The following STIM2 variants were observed in gnomAD, a reference collection of about 807,000 sequenced individuals.
STIM2 encodes the protein stromal interaction molecule 2.
STIM2 carries 31 observed loss-of-function variants against 85.8 expected under a neutral mutation model. The observed-to-expected ratio is 0.36, with a 90% CI of 0.27 to 0.49. STIM2 has a LOEUF of 0.49. STIM2 is among the 20% of genes least tolerant of loss of function. The probability of loss-of-function intolerance (pLI) is 0.98; values close to 1 mark genes in which losing one functional copy is unlikely to be tolerated. For missense variants in STIM2, 841 were observed against 927.6 expected (o/e 0.91, Z 1.21); for synonymous variants, 356 against 331.1 (o/e 1.08, Z -0.82).
chr4:27,012,205 AT>A (rs1398284770), intron 10 of STIM2, among the ~76,000 whole-genome samples: 1 of 152,076 alleles, frequency 6.6e-6, no homozygotes, highest in Non-Finnish European at 1.5e-5. Flanking sequence ...AAGTTTTGAT[AT>A]TTGATAAGAC....
intron 4 of STIM2, among the ~76,000 whole-genome samples, chr4:26,998,247 A>G (rs535585876): frequency 6.6e-6 from 1 of 152,106 alleles, no homozygotes. Flanking sequence ...GGTTGCTTGT[A>G]TTTACAGTCC....
intron 1 of STIM2, 103 bp downstream of exon 1, chr4:26,861,472 T>G: frequency 8.1e-7 from 1 of 1,232,312 alleles, no homozygotes; most frequent in Admixed American, 4.3e-5. Flanking sequence ...ATTCCGCGGC[T>G]CCGGCCAGGG....
In STIM2 at chr4:26,860,880, G is replaced by T; in HGVS notation, c.-339G>T. 1.1e-6 allele frequency: 1 copy of T among 942,474 alleles called. No individual in the cohort carries two copies. The highest frequency in any genetic ancestry group is 1.1e-4 in the East Asian group (1 of 8,872). 58.4% of individuals were successfully genotyped at this position (942,474 alleles called of 1,614,324 possible). On this transcript the variant is annotated 5_prime_UTR_variant, in exon 1 of 12. Coordinates refer to ENST00000467087, the MANE Select transcript of STIM2 (RefSeq NM_020860.4). ...CGGTCTCGCCGCAGCAGCAGCGCGG[G>T]TGTCGTGCACCGCCTGAAGACGCCG...
chr4:26,934,098 G>A (rs1725309151), intron 2 of STIM2, among the ~76,000 whole-genome samples: 1 of 152,130 alleles, frequency 6.6e-6, no homozygotes, highest in South Asian at 2.1e-4. Context: ...GGAGGCTGAG[G>A]CAGAAGAATC....
intron 3 of STIM2, among the ~76,000 whole-genome samples, chr4:26,971,503 C>G (rs187813780): frequency 1.4e-3 from 207 of 152,276 alleles, no homozygotes; most frequent in African/African-American, 4.8e-3. Flanking sequence ...AATAGGGAAG[C>G]CTTTCTCCAT....
chr4:26,890,823 C>CAAAAAAAAAAAAAA (rs60092225), intron 1 of STIM2, among the ~76,000 whole-genome samples: 1 of 51,058 alleles, frequency 2.0e-5, no homozygotes. Context: ...GACTCCGTCT[C>CAAAAAAAAAAAAAA]AAAAAAAAAA....
At chr4:26,877,895 G>A (rs938575882) in intron 1 of STIM2, among the ~76,000 whole-genome samples, 2 of 152,124 alleles carry the variant, frequency 1.3e-5, no homozygotes, top group Non-Finnish European at 2.9e-5. Context: ...TGGGATTAAT[G>A]TTGTTATAAA....
intron 2 of STIM2, among the ~76,000 whole-genome samples, chr4:26,929,195 T>C (rs1237742835): frequency 6.6e-6 from 1 of 152,228 alleles, no homozygotes; most frequent in Non-Finnish European, 1.5e-5. Context: ...ATTTACTTCC[T>C]TTGTTTTTAC....
chr4:26,886,110 A>G (rs558902695), intron 1 of STIM2, among the ~76,000 whole-genome samples: 7 of 152,132 alleles, frequency 4.6e-5, no homozygotes, highest in Admixed American at 4.6e-4. Context: ...TGTGACGGGC[A>G]GAACATTTAC....
intron 2 of STIM2, among the ~76,000 whole-genome samples, chr4:26,942,789 G>A (rs1057227607): frequency 4.6e-5 from 7 of 151,924 alleles, no homozygotes; most frequent in African/African-American, 1.2e-4. Flanking sequence ...TGGACTACAC[G>A]TATTAGTCTG....
At chr4:26,884,243 CAT>C (rs1446591949) in intron 1 of STIM2, among the ~76,000 whole-genome samples, 5 of 152,138 alleles carry the variant, frequency 3.3e-5, no homozygotes, top group Non-Finnish European at 4.4e-5. Flanking sequence ...AATGAAATAA[CAT>C]GTGTTCTCCA....
At chr4:26,973,862 T>G (rs962081164) in intron 3 of STIM2, among the ~76,000 whole-genome samples, 3 of 152,218 alleles carry the variant, frequency 2.0e-5, no homozygotes, top group Admixed American at 6.5e-5. Context: ...ATTATTATTG[T>G]GTGGGAGTCT....
At chr4:26,960,156 C>T (rs1019038877) in intron 3 of STIM2, among the ~76,000 whole-genome samples, 1 of 152,148 alleles carries the variant, frequency 6.6e-6, no homozygotes, top group African/African-American at 2.4e-5. Context: ...GTGCCGGGCT[C>T]TGCTTTTATC....
intron 3 of STIM2, among the ~76,000 whole-genome samples, chr4:26,962,318 C>A (rs529749392): frequency 3.5e-4 from 54 of 152,212 alleles, no homozygotes; most frequent in African/African-American, 1.2e-3. Context: ...AGTAATAATG[C>A]GAAATAAACT....
intron 3 of STIM2, among the ~76,000 whole-genome samples, chr4:26,985,320 G>T (rs1026082586): frequency 1.3e-5 from 2 of 152,058 alleles, no homozygotes; most frequent in Non-Finnish European, 2.9e-5. Flanking sequence ...TGAACCTTAG[G>T]TTAATTCAGT....
At chr4:26,934,695 C>T (rs757006228) in intron 2 of STIM2, among the ~76,000 whole-genome samples, 2 of 152,078 alleles carry the variant, frequency 1.3e-5, no homozygotes, top group Admixed American at 1.3e-4. Context: ...GGGTGAATCT[C>T]CTGAGGTCAG....
chr4:27,016,492 A>G (rs903029172), intron 10 of STIM2, among the ~76,000 whole-genome samples: 8 of 152,310 alleles, frequency 5.3e-5, no homozygotes, highest in Middle Eastern at 3.4e-3. Flanking sequence ...GCAGTTTTTT[A>G]TATTAACTCT....
At chr4:26,874,839 T>A (rs1170548901) in intron 1 of STIM2, among the ~76,000 whole-genome samples, 1 of 152,196 alleles carries the variant, frequency 6.6e-6, no homozygotes, top group Non-Finnish European at 1.5e-5. Context: ...AGACACTTTT[T>A]AGGTACCGGA....
chr4:26,895,456 T>G (rs1426066582), intron 1 of STIM2, among the ~76,000 whole-genome samples: 2 of 152,214 alleles, frequency 1.3e-5, no homozygotes, highest in African/African-American at 4.8e-5. Flanking sequence ...CCATACGTTT[T>G]GAGTTTTTTT....
Sources: allele counts gnomAD v4.1 joint callset (sites outside exome capture counted in the v4.1 genomes callset), GRCh38; gene constraint gnomAD v4.1.1; transcripts MANE v1.5; gene names NCBI Gene and HGNC (gene_info 2026-07-23, HGNC 2026-07-21).